Variants in LRIG1 observed in about 807,000 individuals in gnomAD.
LRIG1 encodes leucine rich repeats and immunoglobulin like domains 1.
A neutral mutation model predicts 99.2 loss-of-function variants in LRIG1; 48 were observed. The observed-to-expected ratio is 0.48, with a 90% CI of 0.38 to 0.62. The LOEUF (loss-of-function observed/expected upper bound fraction) is 0.62, where lower values mean the gene tolerates loss of function less well. Among genes scored for constraint, LRIG1 ranks in the 20% least tolerant of loss-of-function variants. LRIG1 has a pLI of 0.00. For missense variants in LRIG1, 1,646 were observed against 1,434.4 expected (o/e 1.15, Z -2.38); for synonymous variants, 772 against 596.1 (o/e 1.29, Z -4.30).
intron 12 of LRIG1, 35 bp from the exon 13 acceptor site, chr3:66,386,336 T>A: frequency 6.4e-7 from 1 of 1,574,366 alleles, no homozygotes; most frequent in Non-Finnish European, 8.7e-7. Flanking sequence ...AAGCGCTGGG[T>A]TCTTGGTACA....
At chr3:66,395,407 A>T (rs1026926939) in intron 11 of LRIG1, among the ~76,000 whole-genome samples, 2 of 152,342 alleles carry the variant, frequency 1.3e-5, no homozygotes, top group Admixed American at 1.3e-4. Flanking sequence ...GCAAGGAAGA[A>T]TGAAGTGTAA....
At chr3:66,438,395 T>C (rs1201541957) in intron 3 of LRIG1, among the ~76,000 whole-genome samples, 1 of 152,120 alleles carries the variant, frequency 6.6e-6, no homozygotes, top group Admixed American at 6.5e-5. Context: ...AGGCCTCCAG[T>C]AGGGAAGCAG....
intron 2 of LRIG1, among the ~76,000 whole-genome samples, chr3:66,452,329 T>C (rs1703933309): frequency 6.6e-6 from 1 of 152,194 alleles, no homozygotes; most frequent in Non-Finnish European, 1.5e-5. Flanking sequence ...CCATAGTTAA[T>C]ATCTCTTAAC....
At chr3:66,427,636 T>TA (rs1179689982) in intron 3 of LRIG1, among the ~76,000 whole-genome samples, 4 of 152,206 alleles carry the variant, frequency 2.6e-5, no homozygotes, top group Admixed American at 1.3e-4. Context: ...CCTCATCTCT[T>TA]AAAAAAATTT....
At chr3:66,382,490 C>T (rs1297049749) in intron 15 of LRIG1, 92 bp from the exon 16 acceptor site, 4 of 1,418,816 alleles carry the variant, frequency 2.8e-6, no homozygotes, top group African/African-American at 1.4e-5. Flanking sequence ...GGGGATCCTC[C>T]CAGTGACGAC....
rs1317526472 is a variant in LRIG1, at chr3:66,379,710, C to A, written c.*553G>T. The stretch of plus-strand genomic sequence containing the variant: ...CAGGGAAGCCTGTTGCAGGGGCATC[C>A]ACACATGAGCAGTGCTCACCTGAAG... On this transcript the variant is annotated 3_prime_UTR_variant, in exon 19 of 19. Coordinates refer to ENST00000273261, the MANE Select transcript of LRIG1 (RefSeq NM_015541.3). The A allele has an allele frequency of 6.6e-6, 1 of 152,322 alleles. No individual in the cohort carries two copies. Among genetic ancestry groups the A allele is most frequent in the East Asian group, 1.9e-4 (1 of 5,186 alleles). 9.4% of individuals were successfully genotyped at this position (152,322 alleles called of 1,614,324 possible). A position where few individuals can be genotyped will look rare whatever the true frequency, so the allele number is the denominator to read the frequency against.
intron 9 of LRIG1, among the ~76,000 whole-genome samples, chr3:66,400,884 C>A (rs961644315): frequency 2.6e-5 from 4 of 152,172 alleles, no homozygotes; most frequent in African/African-American, 9.7e-5. Flanking sequence ...CCTGGAAACA[C>A]AGGCTCACAG....
At chr3:66,469,907 CAA>C (rs55768550) in intron 1 of LRIG1, among the ~76,000 whole-genome samples, 2 of 115,794 alleles carry the variant, frequency 1.7e-5, no homozygotes. Flanking sequence ...CTGTCCCTAC[CAA>C]AAAAAAAAAA....
intron 1 of LRIG1, among the ~76,000 whole-genome samples, chr3:66,465,562 C>T (rs1001494265): frequency 3.3e-5 from 5 of 151,712 alleles, no homozygotes; most frequent in African/African-American, 9.7e-5. Flanking sequence ...GACAGGGTTT[C>T]ACCATGTTGG....
intron 5 of LRIG1, 89 bp from the exon 6 acceptor site, chr3:66,413,103 G>T: frequency 6.7e-7 from 1 of 1,482,544 alleles, no homozygotes; most frequent in Non-Finnish European, 9.3e-7. Context: ...AAGTTTCCAA[G>T]CCAGAGGAGA....
rs559213090 is a variant in LRIG1, at chr3:66,423,754, G to A, written c.366-6488C>T. Reference sequence around the variant, plus strand: ...AACAATATGCCTTGAGTGTCTTCCTGCCCAGGTTCAAATCCCAGCTATCCC... The same window carrying A: ...AACAATATGCCTTGAGTGTCTTCCTACCCAGGTTCAAATCCCAGCTATCCC... On this transcript the variant is annotated intron_variant, in intron 3 of 18. Transcript: ENST00000273261. Among the ~76,000 whole-genome samples, 4 of 152,134 alleles carry A rather than the reference G, an allele frequency of 2.6e-5. No individual in the cohort carries two copies. The South Asian group carries it at 8.3e-4, about 31-fold the overall frequency.
chr3:66,428,639 T>A (rs1413665992), intron 3 of LRIG1, among the ~76,000 whole-genome samples: 1 of 152,198 alleles, frequency 6.6e-6, no homozygotes, highest in Non-Finnish European at 1.5e-5. Context: ...GGAAGAGCTT[T>A]CCTAATCCAA....
At chr3:66,443,445 G>C (rs1703613501) in intron 3 of LRIG1, among the ~76,000 whole-genome samples, 1 of 152,140 alleles carries the variant, frequency 6.6e-6, no homozygotes, top group Non-Finnish European at 1.5e-5. Context: ...GCTCCTCCAA[G>C]TACCCACTGT....
At chr3:66,429,436 GA>G (rs1458031514) in intron 3 of LRIG1, among the ~76,000 whole-genome samples, 11 of 152,296 alleles carry the variant, frequency 7.2e-5, no homozygotes, top group Admixed American at 4.6e-4. Flanking sequence ...AACTCCTAAG[GA>G]AATACACATT....
chr3:66,482,245 T>C (rs17044702), intron 1 of LRIG1, among the ~76,000 whole-genome samples: 2,575 of 152,338 alleles, frequency 0.017, 50 homozygotes, highest in African/African-American at 0.047. Context: ...GACATGCCTG[T>C]TGAGAGCACA....
intron 3 of LRIG1, among the ~76,000 whole-genome samples, chr3:66,428,339 A>G (rs1176707773): frequency 6.6e-6 from 1 of 152,152 alleles, no homozygotes; most frequent in Non-Finnish European, 1.5e-5. Context: ...CACTGCCCTC[A>G]TATGTCCCCT....
intron 3 of LRIG1, among the ~76,000 whole-genome samples, chr3:66,421,342 A>C (rs1341310900): frequency 3.3e-5 from 5 of 152,172 alleles, no homozygotes; most frequent in Non-Finnish European, 5.9e-5. Context: ...CTGCCTATGA[A>C]CCTGTAAAAT....
chr3:66,427,445 G>C (rs993892980), intron 3 of LRIG1, among the ~76,000 whole-genome samples: 8 of 152,132 alleles, frequency 5.3e-5, no homozygotes, highest in Non-Finnish European at 1.2e-4. Flanking sequence ...CTTTATGACT[G>C]CAAATGCCAA....
At chr3:66,440,276 G>A (rs1460085139) in intron 3 of LRIG1, among the ~76,000 whole-genome samples, 2 of 152,122 alleles carry the variant, frequency 1.3e-5, no homozygotes, top group African/African-American at 4.8e-5. Context: ...GCCCTGAGAC[G>A]TAGACATCTA....
Sources: gnomAD v4.1 joint callset for allele counts (sites outside exome capture counted in the v4.1 genomes callset) on GRCh38, gnomAD v4.1.1 for gene constraint, MANE v1.5 for transcripts, NCBI Gene and HGNC (gene_info 2026-07-23, HGNC 2026-07-21) for gene names.